The following FRK variants were observed in gnomAD, a reference collection of about 807,000 sequenced individuals.
The protein encoded by FRK is fyn related Src family tyrosine kinase.
FRK carries 51 observed loss-of-function variants against 56.4 expected under a neutral mutation model. The observed-to-expected ratio is 0.90, with a 90% CI of 0.72 to 1.14. FRK has a LOEUF of 1.14. Among genes scored for constraint, FRK ranks in the 50% most tolerant of loss-of-function variants. FRK has a pLI of 0.00. For missense variants in FRK, 570 were observed against 601.4 expected, an observed-to-expected ratio of 0.95 and a Z score of 0.55; for synonymous variants, 245 against 217.9, an observed-to-expected ratio of 1.12 and a Z score of -1.10.
chr6:116,055,884 T>A (rs1777375901), intron 1 of FRK, among the ~76,000 whole-genome samples: 1 of 152,224 alleles, frequency 6.6e-6, no homozygotes, highest in Non-Finnish European at 1.5e-5. Context: ...TCTTCATTTA[T>A]GTCTTTGAGA....
intron 2 of FRK, among the ~76,000 whole-genome samples, chr6:115,972,777 T>C (rs1207172177): frequency 6.6e-6 from 1 of 152,228 alleles, no homozygotes; most frequent in Non-Finnish European, 1.5e-5. Flanking sequence ...AGCATGATTT[T>C]ACATTATTTT....
Position 115,934,237 on chromosome 6 carries a change from C to T in FRK, c.*8177G>A, listed in dbSNP as rs532822854. The T allele has an allele frequency of 6.6e-6, 1 of 152,206 alleles. No homozygotes were observed. The highest frequency in any genetic ancestry group is 1.9e-4 in the East Asian group (1 of 5,174). The allele number at this position is 152,206 out of a possible 1,614,324, so 9.4% of individuals were successfully genotyped here. A position where few individuals can be genotyped will look rare whatever the true frequency, so the allele number is the denominator to read the frequency against. ...TATTCTCTGCTTTTATTCAGATAAG[C>T]CAACCTCTCAACTTGTCTCTGAGGA... On this transcript the variant is annotated 3_prime_UTR_variant, in exon 8 of 8. Transcript: ENST00000606080.
the FRK span, among the ~76,000 whole-genome samples, chr6:116,087,223 G>C: frequency 6.6e-6 from 1 of 152,178 alleles, no homozygotes; most frequent in Non-Finnish European, 1.5e-5. Context: ...TTTTATGGTA[G>C]CTACCATAGT....
At chr6:116,017,886 C>T (rs1348498160) in intron 1 of FRK, among the ~76,000 whole-genome samples, 1 of 152,182 alleles carries the variant, frequency 6.6e-6, no homozygotes, top group Non-Finnish European at 1.5e-5. Context: ...CTCACACTGC[C>T]TCACACTGGA....
At chr6:116,004,450 A>G (rs1301316030) in intron 1 of FRK, among the ~76,000 whole-genome samples, 1 of 152,208 alleles carries the variant, frequency 6.6e-6, no homozygotes, top group African/African-American at 2.4e-5. Context: ...TTTATGTTAA[A>G]GTACGAAGGA....
In FRK at chr6:115,933,497, A is replaced by C. The variant is rs1431378879; in HGVS notation, c.*8917T>G. On this transcript the variant is annotated 3_prime_UTR_variant, in exon 8 of 8. Coordinates refer to ENST00000606080, the MANE Select transcript of FRK (RefSeq NM_002031.3). ...CAAGAATAATAGATTGCTTTGACAG[A>C]ACCTTGAACATAAATGTCCCCAAGA... The C allele has an allele frequency of 6.6e-6, 1 of 152,206 alleles. No individual in the cohort carries two copies. Among genetic ancestry groups the C allele is most frequent in the African/African-American group, 2.4e-5 (1 of 41,460 alleles). The allele number at this position is 152,206 out of a possible 1,614,324, so 9.4% of individuals were successfully genotyped here.
intron 1 of FRK, among the ~76,000 whole-genome samples, chr6:116,004,956 A>T (rs770986596): frequency 6.6e-6 from 1 of 152,096 alleles, no homozygotes; most frequent in Non-Finnish European, 1.5e-5. Flanking sequence ...ACACTCCAAG[A>T]GAAGAAATGC....
At chr6:116,023,637 G>T (rs957226654) in intron 1 of FRK, among the ~76,000 whole-genome samples, 1 of 152,160 alleles carries the variant, frequency 6.6e-6, no homozygotes, top group African/African-American at 2.4e-5. Context: ...TCTGGAAAGG[G>T]ATATGGAATT....
chr6:115,958,723 GAAAGAAAGA>G, intron 4 of FRK, among the ~76,000 whole-genome samples: 1 of 12,276 alleles, frequency 8.1e-5, no homozygotes. Context: ...AAGAAAGAAA[GAAAGAAAGA>G]AAGAAAGAAA....
In FRK at chr6:115,942,421, A is replaced by T; in HGVS notation, c.1511T>A (p.Ile504Lys). 1 of 1,610,416 alleles carries T rather than the reference A, an allele frequency of 6.2e-7. No homozygotes were observed. Among genetic ancestry groups the T allele is most frequent in the African/African-American group, 1.3e-5 (1 of 74,962 alleles). The part of the protein sequence containing the change: ...DSSYSDANNF[I>K]R Reference sequence around the variant, plus strand: ...GATATTCTTCTCCAGTGTTCATCTTATGAAGTTATTTGCATCTGAATATGA... The same window carrying T: ...GATATTCTTCTCCAGTGTTCATCTTTTGAAGTTATTTGCATCTGAATATGA... Residue 504 changes from isoleucine (I) to lysine (K), a missense_variant, in exon 8 of 8, where the codon ATA (isoleucine) becomes AAA (lysine). By Grantham distance (102) the Ile-to-Lys change is moderately radical (BLOSUM62 -3). Transcript: ENST00000606080.
At chr6:116,052,690 A>G (rs1236806926) in intron 1 of FRK, among the ~76,000 whole-genome samples, 1 of 152,112 alleles carries the variant, frequency 6.6e-6, no homozygotes, top group Non-Finnish European at 1.5e-5. Flanking sequence ...GCTGGTCAGG[A>G]AAAAAAGAGG....
At chr6:116,063,666 T>A (rs1055657830), upstream of FRK, among the ~76,000 whole-genome samples, 1 of 152,108 alleles carries the variant, frequency 6.6e-6, no homozygotes, top group African/African-American at 2.4e-5. Context: ...TTAATTAGCT[T>A]GAGTCAATAA....
the FRK span, among the ~76,000 whole-genome samples, chr6:116,092,013 C>T: frequency 6.6e-6 from 1 of 152,192 alleles, no homozygotes; most frequent in Non-Finnish European, 1.5e-5. Flanking sequence ...AGACAAGCTT[C>T]CTCTTACCTC....
At chr6:115,983,781 T>C (rs758836122) in intron 2 of FRK, among the ~76,000 whole-genome samples, 2 of 152,140 alleles carry the variant, frequency 1.3e-5, no homozygotes, top group Non-Finnish European at 2.9e-5. Context: ...ATAGTCTGTT[T>C]TCCATGTCTC....
At chr6:116,064,128 G>A (rs185539465), upstream of FRK, among the ~76,000 whole-genome samples, 2 of 152,320 alleles carry the variant, frequency 1.3e-5, no homozygotes, top group East Asian at 3.9e-4. Context: ...CCTGCACACA[G>A]GTCCTGTGAC....
At chr6:116,010,419 T>A (rs1285917617) in intron 1 of FRK, among the ~76,000 whole-genome samples, 1 of 152,192 alleles carries the variant, frequency 6.6e-6, no homozygotes, top group African/African-American at 2.4e-5. Flanking sequence ...ATCAGGAACA[T>A]GCTACAAAAA....
In FRK at chr6:115,939,514, T is replaced by C. The variant is rs543611571; in HGVS notation, c.*2900A>G. The C allele has an allele frequency of 7.2e-5, 11 of 152,300 alleles. No homozygotes were observed. The highest frequency in any genetic ancestry group is 2.6e-4 in the African/African-American group (11 of 41,558). The allele number at this position is 152,300 out of a possible 1,614,324, so 9.4% of individuals were successfully genotyped here. A position where few individuals can be genotyped will look rare whatever the true frequency, so the allele number is the denominator to read the frequency against. On this transcript the variant is annotated 3_prime_UTR_variant, in exon 8 of 8. Transcript: ENST00000606080. ...AGGCAAGAGAAAGAAATAAAGGGTATTCAAATAGGAAAACAGGAAGTAAAA... is the reference window on the plus strand; with the variant it reads ...AGGCAAGAGAAAGAAATAAAGGGTACTCAAATAGGAAAACAGGAAGTAAAA...
At position 115,935,905 on chromosome 6, in the gene FRK, T is replaced by C. The variant is rs955214608; in HGVS notation, c.*6509A>G. The C allele has an allele frequency of 1.3e-5, 2 of 152,342 alleles. No homozygotes were observed. Among genetic ancestry groups the C allele is most frequent in the Admixed American group, 6.5e-5 (1 of 15,276 alleles). The allele number at this position is 152,342 out of a possible 1,614,324, so 9.4% of individuals were successfully genotyped here. On this transcript the variant is annotated 3_prime_UTR_variant, in exon 8 of 8. Coordinates refer to ENST00000606080, the MANE Select transcript of FRK (RefSeq NM_002031.3). ...GAGCACCTGTGGGAAGGGGTGGATATGGGAGCAGCTTCAGCAGACTTAAAT... is the reference window on the plus strand; with the variant it reads ...GAGCACCTGTGGGAAGGGGTGGATACGGGAGCAGCTTCAGCAGACTTAAAT...
At chr6:116,031,139 C>T (rs1332182829) in intron 1 of FRK, among the ~76,000 whole-genome samples, 1 of 151,990 alleles carries the variant, frequency 6.6e-6, no homozygotes, top group African/African-American at 2.4e-5. Context: ...AGTCTAAATG[C>T]TAACTGTTAA....
Sources: allele counts gnomAD v4.1 joint callset (sites outside exome capture counted in the v4.1 genomes callset), GRCh38; gene constraint gnomAD v4.1.1; transcripts MANE v1.5; gene names NCBI Gene and HGNC (gene_info 2026-07-23, HGNC 2026-07-21).